The following SLC4A10 variants were observed in gnomAD, a reference collection of about 807,000 sequenced individuals.
SLC4A10 encodes solute carrier family 4 member 10, also known as sodium-driven chloride bicarbonate exchanger.
Under a neutral mutation model 137.7 loss-of-function variants are expected in SLC4A10, and 42 were observed. The ratio of observed to expected loss-of-function variants is 0.30; its 90% confidence interval spans 0.24 to 0.39. SLC4A10 has a LOEUF of 0.39. SLC4A10 is among the 10% of genes least tolerant of loss of function. The pLI is 1.00. For missense variants in SLC4A10, 925 were observed against 1,355.0 expected (o/e 0.68, Z 4.98); for synonymous variants, 474 against 464.1 (o/e 1.02, Z -0.27).
At chr2:161,690,746 A>G (rs1030541945) in intron 1 of SLC4A10, among the ~76,000 whole-genome samples, 1 of 152,160 alleles carries the variant, frequency 6.6e-6, no homozygotes, top group Non-Finnish European at 1.5e-5. Flanking sequence ...CAATGAGAAC[A>G]CATGGATATA....
chr2:161,641,838 A>G (rs971927838), intron 1 of SLC4A10, among the ~76,000 whole-genome samples: 2 of 152,058 alleles, frequency 1.3e-5, no homozygotes, highest in Non-Finnish European at 2.9e-5. Context: ...TAATATCCAC[A>G]TTGTCCATTA....
At chr2:161,889,231 C>A (rs181484233) in intron 10 of SLC4A10, among the ~76,000 whole-genome samples, 1 of 151,900 alleles carries the variant, frequency 6.6e-6, no homozygotes, top group Non-Finnish European at 1.5e-5. Context: ...TCAGGGATAT[C>A]GGCCTGAAAT....
chr2:161,886,069 A>T (rs565077440), intron 10 of SLC4A10, among the ~76,000 whole-genome samples: 14 of 152,336 alleles, frequency 9.2e-5, no homozygotes, highest in African/African-American at 3.4e-4. Flanking sequence ...ACTGCACTCC[A>T]GCCTGGGCAA....
At chr2:161,782,507 T>G (rs1300045140) in intron 2 of SLC4A10, among the ~76,000 whole-genome samples, 1 of 150,556 alleles carries the variant, frequency 6.6e-6, no homozygotes, top group Non-Finnish European at 1.5e-5. Context: ...AACAGAAAAA[T>G]CTCCAGAAAT....
chr2:161,798,357 C>A (rs923740122), intron 2 of SLC4A10, among the ~76,000 whole-genome samples: 6 of 151,850 alleles, frequency 4.0e-5, no homozygotes, highest in Non-Finnish European at 8.8e-5. Context: ...ACATAGAGTT[C>A]TCTTCAAGAG....
intron 1 of SLC4A10, among the ~76,000 whole-genome samples, chr2:161,753,542 C>T (rs1426953297): frequency 1.3e-5 from 2 of 152,020 alleles, no homozygotes; most frequent in Non-Finnish European, 2.9e-5. Flanking sequence ...CCTCAGTTTC[C>T]CATTTGTAAA....
intron 2 of SLC4A10, among the ~76,000 whole-genome samples, chr2:161,781,423 G>C (rs967659764): frequency 6.6e-6 from 1 of 151,918 alleles, no homozygotes; most frequent in Non-Finnish European, 1.5e-5. Context: ...ACCAGAAAAT[G>C]TTCTATATAA....
At chr2:161,904,651 C>T in intron 13 of SLC4A10, 125 bp from the exon 14 acceptor site, 2 of 1,177,514 alleles carry the variant, frequency 1.7e-6, no homozygotes, top group South Asian at 1.7e-5. Flanking sequence ...ACGTCTTGCC[C>T]AGGGTTGCTA....
intron 15 of SLC4A10, among the ~76,000 whole-genome samples, chr2:161,909,656 G>T (rs1412460079): frequency 6.6e-6 from 1 of 152,158 alleles, no homozygotes; most frequent in Admixed American, 6.5e-5. Context: ...ACATGAATCT[G>T]ATTAGGTATT....
At chr2:161,829,089 A>T (rs1368597513) in intron 3 of SLC4A10, among the ~76,000 whole-genome samples, 6 of 151,796 alleles carry the variant, frequency 4.0e-5, no homozygotes, top group African/African-American at 1.5e-4. Context: ...GTGTGGCCTG[A>T]CTTAATCCCA....
chr2:161,690,279 A>C (rs1281565124), intron 1 of SLC4A10, among the ~76,000 whole-genome samples: 6 of 152,196 alleles, frequency 3.9e-5, no homozygotes, highest in Admixed American at 3.9e-4. Context: ...GGTGATTATT[A>C]AAACGTCAAG....
chr2:161,693,450 G>A (rs912678927), intron 1 of SLC4A10, among the ~76,000 whole-genome samples: 2 of 151,996 alleles, frequency 1.3e-5, no homozygotes, highest in Non-Finnish European at 2.9e-5. Flanking sequence ...CTAGAAACCT[G>A]TGGGCCAACT....
At chr2:161,955,377 C>T (rs2105853160) in intron 19 of SLC4A10, among the ~76,000 whole-genome samples, 1 of 152,330 alleles carries the variant, frequency 6.6e-6, no homozygotes, top group South Asian at 2.1e-4. Flanking sequence ...TCTCTTCCTA[C>T]TCTTCAACTC....
At chr2:161,735,363 G>A (rs1378359531) in intron 1 of SLC4A10, among the ~76,000 whole-genome samples, 3 of 151,576 alleles carry the variant, frequency 2.0e-5, no homozygotes, top group Admixed American at 2.0e-4. Context: ...AAAAATAAAT[G>A]TCAAAGTACA....
intron 3 of SLC4A10, among the ~76,000 whole-genome samples, chr2:161,817,953 G>A (rs1416068977): frequency 1.3e-5 from 2 of 151,424 alleles, no homozygotes; most frequent in African/African-American, 4.8e-5. Flanking sequence ...GGATTGACTT[G>A]GTGATGTGGG....
intron 1 of SLC4A10, among the ~76,000 whole-genome samples, chr2:161,742,220 C>A (rs1164268774): frequency 1.3e-5 from 2 of 152,106 alleles, no homozygotes; most frequent in Non-Finnish European, 2.9e-5. Flanking sequence ...TTTATCCAGT[C>A]ATCTGTTGAT....
chr2:161,944,415 T>G (rs1693333426), intron 16 of SLC4A10, among the ~76,000 whole-genome samples: 1 of 151,870 alleles, frequency 6.6e-6, no homozygotes, highest in African/African-American at 2.4e-5. Flanking sequence ...TAATACTAAA[T>G]AATAATATTC....
chr2:161,977,212 T>A, intron 25 of SLC4A10: 1 of 291,308 alleles, frequency 3.4e-6, no homozygotes, highest in South Asian at 4.1e-5. Flanking sequence ...TTTGCACTCC[T>A]TTATTTTCCC....
chr2:161,666,757 A>G (rs367696692), intron 1 of SLC4A10, among the ~76,000 whole-genome samples: 1 of 151,720 alleles, frequency 6.6e-6, no homozygotes, highest in African/African-American at 2.4e-5. Flanking sequence ...TCTTTCCAGA[A>G]GTCTATTGAA....
Sources: allele counts gnomAD v4.1 joint callset (sites outside exome capture counted in the v4.1 genomes callset), GRCh38; gene constraint gnomAD v4.1.1; transcripts MANE v1.5; gene names NCBI Gene and HGNC (gene_info 2026-07-23, HGNC 2026-07-21).